The following NID1 variants were observed in gnomAD, a reference collection of about 807,000 sequenced individuals.
The protein encoded by NID1 is nidogen-1.
In NID1, 76 loss-of-function variants were observed where a neutral mutation model predicts 130.6. The ratio of observed to expected loss-of-function variants is 0.58; its 90% CI spans 0.48 to 0.70. The LOEUF (loss-of-function observed/expected upper bound fraction) is 0.70. NID1 is among the 30% of genes least tolerant of loss of function. The probability of loss-of-function intolerance (pLI) is 0.00; values close to 1 mark genes in which losing one functional copy is unlikely to be tolerated. For synonymous variants in NID1, 665 were observed against 675.1 expected (o/e 0.98, Z 0.23); for missense variants, 1,517 against 1,664.8 (o/e 0.91, Z 1.54).
At chr1:236,059,928 C>T (rs776849514) in intron 1 of NID1, among the ~76,000 whole-genome samples, 18 of 151,920 alleles carry the variant, frequency 1.2e-4, no homozygotes, top group African/African-American at 4.4e-4. Context: ...GGTGAAACCC[C>T]GTCTCTACTA....
chr1:236,050,666 C>T (rs1006899723), intron 1 of NID1, among the ~76,000 whole-genome samples: 3 of 152,200 alleles, frequency 2.0e-5, no homozygotes, highest in African/African-American at 4.8e-5. Context: ...AGTGGGGGCA[C>T]TCAGGCTCAC....
chr1:236,010,495 G>A (rs888220820), intron 12 of NID1, among the ~76,000 whole-genome samples: 2 of 151,946 alleles, frequency 1.3e-5, no homozygotes, highest in African/African-American at 4.8e-5. Context: ...ACAGGGTCTC[G>A]CTATGTTGCC....
chr1:236,046,583 C>T (rs927730), intron 2 of NID1, among the ~76,000 whole-genome samples: 28,429 of 150,782 alleles, frequency 0.19, 2,814 homozygotes, highest in East Asian at 0.34. Flanking sequence ...ACAGAGAGGA[C>T]AGCCTGTGCA....
At chr1:235,992,214 C>A (rs557518370) in intron 13 of NID1, among the ~76,000 whole-genome samples, 16 of 152,316 alleles carry the variant, frequency 1.1e-4, no homozygotes, top group East Asian at 9.6e-4. Context: ...ACAAGGTTGT[C>A]CCCAAGGTCA....
At chr1:236,010,951 C>T (rs1171362082) in intron 12 of NID1, among the ~76,000 whole-genome samples, 1 of 152,054 alleles carries the variant, frequency 6.6e-6, no homozygotes, top group East Asian at 1.9e-4. Context: ...GGAGCTGATG[C>T]ATTCATTTAT....
chr1:236,014,238 T>C (rs555905763), intron 10 of NID1, among the ~76,000 whole-genome samples: 1 of 141,976 alleles, frequency 7.0e-6, no homozygotes, highest in South Asian at 2.4e-4. Context: ...TCTCTCTTTC[T>C]CTGTCTGTCT....
At chr1:236,045,206 C>CAAA (rs201261106) in intron 3 of NID1, among the ~76,000 whole-genome samples, 9 of 89,716 alleles carry the variant, frequency 1.0e-4, no homozygotes, top group Non-Finnish European at 1.2e-4. Flanking sequence ...GGCTCTGTCT[C>CAAA]AAAAAAAAAA....
At chr1:235,993,196 C>T (rs1438548191) in intron 13 of NID1, among the ~76,000 whole-genome samples, 2 of 152,182 alleles carry the variant, frequency 1.3e-5, no homozygotes, top group Admixed American at 1.3e-4. Flanking sequence ...CTGAACAGGC[C>T]CTACTGCCTA....
At chr1:235,991,133 A>C (rs1046899846) in intron 13 of NID1, 75 bp from the exon 14 acceptor site, 375 of 1,091,810 alleles carry the variant, frequency 3.4e-4, no homozygotes, top group East Asian at 6.4e-4. Flanking sequence ...ACACACCCCC[A>C]CACACATGCA....
rs1223868923 is a variant in NID1 at position 236,063,470 on chromosome 1, TCAA to T, written c.225+1382_225+1384del. 2.0e-4 allele frequency among the ~76,000 whole-genome samples: 20 copies of T among 98,854 alleles called. No individual in the cohort carries two copies. In the South Asian group the frequency reaches 3.0e-3, roughly 15 times the overall value. The allele number at this position is 98,854 out of a possible 152,430, so 64.9% of individuals were successfully genotyped here. A position where few individuals can be genotyped will look rare whatever the true frequency, so the allele number is the denominator to read the frequency against. On this transcript the variant is annotated intron_variant, in intron 1 of 19. Coordinates refer to ENST00000264187, the MANE Select transcript of NID1 (RefSeq NM_002508.3). ...CTGGGGGATAGAGAGAGACTCTGTC[TCAA>T]AAAAAAAAATAAATAAATAAATAAA...
intron 8 of NID1, among the ~76,000 whole-genome samples, chr1:236,024,727 A>T (rs558964150): frequency 6.6e-6 from 1 of 152,358 alleles, no homozygotes; most frequent in African/African-American, 2.4e-5. Flanking sequence ...GGCTCAGACC[A>T]GACTCCAATT....
At chr1:236,028,086 C>T (rs534920318) in intron 7 of NID1, among the ~76,000 whole-genome samples, 1 of 152,176 alleles carries the variant, frequency 6.6e-6, no homozygotes, top group Non-Finnish European at 1.5e-5. Context: ...ATGATTAAGA[C>T]AATCATTTCA....
intron 14 of NID1, among the ~76,000 whole-genome samples, chr1:235,988,208 T>C (rs10754824): frequency 0.85 from 128,947 of 152,184 alleles, 55,062 homozygotes; most frequent in African/African-American, 0.96. Context: ...ACAAAAGAAC[T>C]GATCAAAAAA....
At chr1:236,054,425 C>T (rs781746604) in intron 1 of NID1, among the ~76,000 whole-genome samples, 2 of 152,098 alleles carry the variant, frequency 1.3e-5, no homozygotes, top group Non-Finnish European at 2.9e-5. Flanking sequence ...CATTGCACTC[C>T]ATACTGGGCT....
At position 236,024,113 on chromosome 1, in the gene NID1, G is replaced by A. The variant is rs143743775; in HGVS notation, c.2085C>T (p.Cys695=). The A allele has an allele frequency of 0.015, 24,361 of 1,614,212 alleles. 249 individuals carry two copies. The highest frequency in any genetic ancestry group is 0.018 in the Non-Finnish European group (21,610 of 1,180,040). Residue 695 remains cysteine (C), a synonymous_variant, in exon 9 of 20, where the codon TGC becomes TGT. Transcript: ENST00000264187. ...CRPGPRTQFT[C]ECSIGFRGDG... ...CTCCTCGGAAGCCGATGGAGCACTC[G>A]CAGGTGAACTGTGTCCTGGGACCAG...
At chr1:236,006,973 T>C (rs1448272255) in intron 12 of NID1, among the ~76,000 whole-genome samples, 2 of 152,122 alleles carry the variant, frequency 1.3e-5, no homozygotes, top group Non-Finnish European at 2.9e-5. Context: ...GGGGAGGGGA[T>C]GGCAGTGAGA....
chr1:236,001,106 AT>A (rs11352607), intron 12 of NID1, among the ~76,000 whole-genome samples: 33,729 of 134,990 alleles, frequency 0.25, 4,329 homozygotes, highest in Non-Finnish European at 0.33. Context: ...TGGCTTTGAG[AT>A]TTTTTTTTTT....
chr1:236,045,306 C>T, intron 3 of NID1, 151 bp downstream of exon 3: 1 of 505,890 alleles, frequency 2.0e-6, no homozygotes, highest in East Asian at 3.3e-5. Flanking sequence ...TCCTTAAGTT[C>T]ATCAGAAAAA....
intron 12 of NID1, among the ~76,000 whole-genome samples, chr1:236,008,667 A>ATT (rs756227226): frequency 2.9e-5 from 4 of 138,632 alleles, no homozygotes; most frequent in Admixed American, 7.3e-5. Context: ...CGCCCAGCTA[A>ATT]TTTTTTTTTT....
Sources: gnomAD v4.1 joint callset for allele counts (sites outside exome capture counted in the v4.1 genomes callset) on GRCh38, gnomAD v4.1.1 for gene constraint, MANE v1.5 for transcripts, NCBI Gene and HGNC (gene_info 2026-07-23, HGNC 2026-07-21) for gene names.